The following ITPR2 variants were observed in gnomAD, a reference collection of about 807,000 sequenced individuals.
The protein encoded by ITPR2 is inositol 1,4,5-trisphosphate receptor type 2, also known as inositol 1,4,5-trisphosphate-gated calcium channel ITPR2.
ITPR2 carries 207 observed loss-of-function variants against 317.1 expected under a neutral mutation model. The observed-to-expected ratio is 0.65, with a 90% CI of 0.58 to 0.73. The LOEUF is 0.73. Ranked by LOEUF, ITPR2 falls within the 30% of genes least tolerant of loss-of-function variation. The probability of loss-of-function intolerance (pLI) is 0.00; values close to 1 mark genes in which losing one functional copy is unlikely to be tolerated. For synonymous variants in ITPR2, 1,156 were observed against 1,149.1 expected (o/e 1.01, Z -0.12); for missense variants, 2,613 against 3,284.0 (o/e 0.80, Z 4.99).
intron 35 of ITPR2, among the ~76,000 whole-genome samples, chr12:26,558,267 C>T (rs549542361): frequency 6.6e-6 from 1 of 152,292 alleles, no homozygotes; most frequent in African/African-American, 2.4e-5. Flanking sequence ...AGCACTCAGG[C>T]TGCTGTGATG....
chr12:26,538,841 C>T (rs2136977161), intron 37 of ITPR2, among the ~76,000 whole-genome samples: 1 of 152,322 alleles, frequency 6.6e-6, no homozygotes, highest in Middle Eastern at 3.4e-3. Flanking sequence ...TCCCAAAGTG[C>T]TAGGATTACA....
At chr12:26,357,219 G>A (rs946638761) in intron 55 of ITPR2, among the ~76,000 whole-genome samples, 2 of 152,140 alleles carry the variant, frequency 1.3e-5, no homozygotes, top group African/African-American at 2.4e-5. Flanking sequence ...GCAGGGTTGG[G>A]GTTTCAAGTC....
chr12:26,397,911 G>A (rs1940048474), intron 54 of ITPR2, among the ~76,000 whole-genome samples: 1 of 152,062 alleles, frequency 6.6e-6, no homozygotes, highest in African/African-American at 2.4e-5. Context: ...GGTGCCGAGA[G>A]ACCAGCTACA....
intron 37 of ITPR2, among the ~76,000 whole-genome samples, chr12:26,507,394 A>G (rs1211277357): frequency 6.6e-6 from 1 of 152,172 alleles, no homozygotes; most frequent in Non-Finnish European, 1.5e-5. Context: ...TAGACTTATT[A>G]TGGTCTTATG....
At chr12:26,767,852 T>C (rs1225707403) in intron 2 of ITPR2, among the ~76,000 whole-genome samples, 3 of 152,256 alleles carry the variant, frequency 2.0e-5, no homozygotes, top group Admixed American at 1.3e-4. Context: ...TCTCAACATA[T>C]GTTTGATTCA....
At chr12:26,382,313 G>T (rs1393613308) in intron 55 of ITPR2, among the ~76,000 whole-genome samples, 3 of 152,146 alleles carry the variant, frequency 2.0e-5, no homozygotes, top group Non-Finnish European at 4.4e-5. Context: ...TATCCCAGAA[G>T]ATGCTCCATG....
At chr12:26,384,550 T>C (rs1040236499) in intron 55 of ITPR2, among the ~76,000 whole-genome samples, 6 of 152,140 alleles carry the variant, frequency 3.9e-5, no homozygotes, top group Non-Finnish European at 7.3e-5. Context: ...GGGAGAAACA[T>C]GGATAAGTAC....
chr12:26,642,580 A>T (rs1425508157), intron 21 of ITPR2, among the ~76,000 whole-genome samples: 1 of 151,846 alleles, frequency 6.6e-6, no homozygotes, highest in Non-Finnish European at 1.5e-5. Flanking sequence ...TCTGTTCCTT[A>T]TACATTACCC....
At chr12:26,454,684 C>T (rs749964456) in intron 45 of ITPR2, among the ~76,000 whole-genome samples, 7 of 151,324 alleles carry the variant, frequency 4.6e-5, no homozygotes, top group Non-Finnish European at 1.0e-4. Context: ...TAAAATAGTA[C>T]CTGTGGTTGA....
At chr12:26,775,955 T>TATATATATACACATAC (rs1949958798) in intron 2 of ITPR2, among the ~76,000 whole-genome samples, 1 of 148,000 alleles carries the variant, frequency 6.8e-6, no homozygotes, top group Non-Finnish European at 1.5e-5. Flanking sequence ...TATGTATATG[T>TATATATATACACATAC]ATATCCTATT....
At chr12:26,820,965 G>A (rs1035538503) in intron 1 of ITPR2, among the ~76,000 whole-genome samples, 3 of 152,138 alleles carry the variant, frequency 2.0e-5, no homozygotes, top group Non-Finnish European at 4.4e-5. Flanking sequence ...GAGGTTACCA[G>A]GGGCTGGGGT....
rs561514999 is a variant in ITPR2, at chr12:26,386,093, G to C, written c.7857+1341C>G. Among the ~76,000 whole-genome samples, 5 of 152,124 alleles carry C rather than the reference G, an allele frequency of 3.3e-5. No individual in the cohort carries two copies. In the South Asian group the frequency reaches 8.3e-4, roughly 25 times the overall value. ...CTTTGAAAAAAGACAGCAATGTGAGGTCCCATTTTAAATATAATGTTTTAC... is the reference window on the plus strand; with the variant it reads ...CTTTGAAAAAAGACAGCAATGTGAGCTCCCATTTTAAATATAATGTTTTAC... On this transcript the variant is annotated intron_variant, in intron 55 of 56. Coordinates refer to ENST00000381340, the MANE Select transcript of ITPR2 (RefSeq NM_002223.4).
At chr12:26,469,165 T>A (rs2170980) in intron 45 of ITPR2, among the ~76,000 whole-genome samples, 75,742 of 152,140 alleles carry the variant, frequency 0.5, 22,383 homozygotes, top group Non-Finnish European at 0.64. Context: ...TATATACACT[T>A]CATTGTGAGC....
Position 26,695,605 on chromosome 12 carries a change from C to A in ITPR2, c.996+1G>T, listed in dbSNP as rs2136990074. On this transcript the variant is annotated splice_donor_variant, in intron 10 of 56. Transcript: ENST00000381340. LOFTEE classifies it high-confidence loss of function. The stretch of plus-strand genomic sequence containing the variant: ...GTTGGAGAAAAGCCAGTTCTACTCA[C>A]CACATTTTTTCCTTCATTTTGGGCA... The A allele has an allele frequency of 6.2e-7, 1 of 1,611,226 alleles. No homozygotes were observed. The highest frequency in any genetic ancestry group is 8.5e-7 in the Non-Finnish European group (1 of 1,177,642).
chr12:26,531,744 A>G (rs966308583), intron 37 of ITPR2, among the ~76,000 whole-genome samples: 1 of 152,038 alleles, frequency 6.6e-6, no homozygotes, highest in Non-Finnish European at 1.5e-5. Flanking sequence ...GAAGTACCCC[A>G]CCACTTAGAA....
chr12:26,627,835 TG>T (rs1405198208), intron 23 of ITPR2, among the ~76,000 whole-genome samples, 197 bp downstream of exon 23: 1 of 152,070 alleles, frequency 6.6e-6, no homozygotes, highest in Non-Finnish European at 1.5e-5. Context: ...GACGGGTTGA[TG>T]GGTGCAGCAA....
intron 2 of ITPR2, among the ~76,000 whole-genome samples, chr12:26,736,896 A>C (rs967267586): frequency 2.0e-5 from 3 of 152,236 alleles, no homozygotes; most frequent in African/African-American, 7.2e-5. Flanking sequence ...GGGGAAAGCA[A>C]GCAAAATACA....
At chr12:26,654,610 A>T (rs1947333351) in intron 20 of ITPR2, among the ~76,000 whole-genome samples, 1 of 152,202 alleles carries the variant, frequency 6.6e-6, no homozygotes, top group African/African-American at 2.4e-5. Flanking sequence ...ACACTGTATC[A>T]GAGTTGGTCC....
At chr12:26,689,360 G>A (rs981028130) in intron 10 of ITPR2, among the ~76,000 whole-genome samples, 1 of 152,048 alleles carries the variant, frequency 6.6e-6, no homozygotes, top group Non-Finnish European at 1.5e-5. Flanking sequence ...AGGCCACAGT[G>A]AGCCAAGATT....
Sources: allele counts gnomAD v4.1 joint callset (sites outside exome capture counted in the v4.1 genomes callset), GRCh38; gene constraint gnomAD v4.1.1; transcripts MANE v1.5; gene names NCBI Gene and HGNC (gene_info 2026-07-23, HGNC 2026-07-21).